Variants in ANKRD11 observed in about 807,000 individuals in gnomAD.
ANKRD11 encodes ankyrin repeat domain-containing protein 11.
Under a neutral mutation model 195.7 loss-of-function variants are expected in ANKRD11, and 17 were observed. That is an observed-to-expected ratio of 0.09 (90% CI 0.06 to 0.13). ANKRD11 has a LOEUF of 0.13. Among genes scored for constraint, ANKRD11 ranks in the 10% least tolerant of loss-of-function variants. ANKRD11 has a pLI of 1.00. For synonymous variants in ANKRD11, 1,953 were observed against 1,528.1 expected (o/e 1.28, Z -6.49); for missense variants, 3,735 against 3,566.1 (o/e 1.05, Z -1.21).
At position 89,479,594 on chromosome 16, in the gene ANKRD11, C is replaced by T. The variant is rs530570084; in HGVS notation, c.-145+10651G>A. On this transcript the variant is annotated intron_variant, in intron 1 of 12. Transcript: ENST00000301030. Reference sequence around the variant, plus strand: ...AGGTTGCAGTGAGCTGAGATCACACCACTGCACTCCAGCCTGGGCAACAGA... The same window carrying T: ...AGGTTGCAGTGAGCTGAGATCACACTACTGCACTCCAGCCTGGGCAACAGA... 3.3e-5 allele frequency among the ~76,000 whole-genome samples: 5 copies of T among 149,468 alleles called. No individual in the cohort carries two copies. In the East Asian group the frequency reaches 1.0e-3, roughly 30 times the overall value.
chr16:89,363,010 C>T (rs2911248), intron 2 of ANKRD11, among the ~76,000 whole-genome samples: 1,703 of 148,368 alleles, frequency 0.011, 52 homozygotes, highest in African/African-American at 0.043. Context: ...TCTCCTTTAT[C>T]CGGTGTACTC....
intron 1 of ANKRD11, among the ~76,000 whole-genome samples, chr16:89,453,691 C>A (rs1421542150): frequency 6.6e-6 from 1 of 152,192 alleles, no homozygotes; most frequent in Admixed American, 6.5e-5. Context: ...ACAGGACACT[C>A]AGGACAATGT....
At chr16:89,364,418 C>T (rs532688605) in intron 2 of ANKRD11, among the ~76,000 whole-genome samples, 3 of 152,328 alleles carry the variant, frequency 2.0e-5, no homozygotes, top group East Asian at 3.9e-4. Flanking sequence ...ATCCTACTCA[C>T]GGTAAGAACA....
At chr16:89,404,394 C>G (rs2041826047) in intron 2 of ANKRD11, among the ~76,000 whole-genome samples, 1 of 152,192 alleles carries the variant, frequency 6.6e-6, no homozygotes, top group Non-Finnish European at 1.5e-5. Flanking sequence ...TCACTGAAAA[C>G]ACTGAAAAGG....
At position 89,291,880 on chromosome 16, in the gene ANKRD11, G is replaced by C. The variant is rs192061548; in HGVS notation, c.227-697C>G. The C allele has an allele frequency of 1.6e-5, 12 of 733,710 alleles. No individual in the cohort carries two copies. The highest frequency in any genetic ancestry group is 1.3e-4 in the East Asian group (2 of 15,282). The allele number at this position is 733,710 out of a possible 1,614,324, so 45.4% of individuals were successfully genotyped here. On this transcript the variant is annotated intron_variant, in intron 4 of 12. Transcript: ENST00000301030. This position sits in a 1 kb window ranked among gnomAD's most constrained non-coding sequence, Gnocchi z 5.3. ...AGCACACCCTGCACTCATCTGACCC[G>C]TTACAGAACACTCGGCTGGCGTCTA...
At chr16:89,348,801 T>A (rs1292716078) in intron 2 of ANKRD11, among the ~76,000 whole-genome samples, 2 of 151,762 alleles carry the variant, frequency 1.3e-5, no homozygotes, top group Non-Finnish European at 2.9e-5. Context: ...TTTTCTCATG[T>A]CCATACTAAA....
At chr16:89,378,666 G>A (rs2040520744) in intron 2 of ANKRD11, among the ~76,000 whole-genome samples, 1 of 152,162 alleles carries the variant, frequency 6.6e-6, no homozygotes, top group South Asian at 2.1e-4. Flanking sequence ...AAAGATTTCT[G>A]CCTCCTGGGT....
intron 2 of ANKRD11, among the ~76,000 whole-genome samples, chr16:89,405,878 C>T (rs932101235): frequency 2.0e-5 from 3 of 152,034 alleles, no homozygotes; most frequent in South Asian, 2.1e-4. Context: ...TGGGAGCCAA[C>T]GCCGGCAGAT....
At chr16:89,406,780 A>C (rs2041924381) in intron 2 of ANKRD11, among the ~76,000 whole-genome samples, 1 of 152,240 alleles carries the variant, frequency 6.6e-6, no homozygotes, top group Non-Finnish European at 1.5e-5. Flanking sequence ...GCACAGGACA[A>C]AGCCTTGTGT....
chr16:89,449,694 G>T (rs2043977562), intron 1 of ANKRD11, among the ~76,000 whole-genome samples: 1 of 152,186 alleles, frequency 6.6e-6, no homozygotes, highest in Non-Finnish European at 1.5e-5. Flanking sequence ...TCGGGAGGCT[G>T]AGGCAGGAGA....
intron 2 of ANKRD11, among the ~76,000 whole-genome samples, chr16:89,375,136 C>T: frequency 6.6e-6 from 1 of 152,158 alleles, no homozygotes; most frequent in East Asian, 1.9e-4. Flanking sequence ...CAGTGCGGGA[C>T]ATACCACACT....
chr16:89,465,399 G>A (rs558212497), intron 1 of ANKRD11, among the ~76,000 whole-genome samples: 5 of 152,178 alleles, frequency 3.3e-5, no homozygotes, highest in African/African-American at 7.2e-5. Context: ...TTAGACTGGC[G>A]TTGGACTTCT....
chr16:89,393,785 G>A (rs959928365), intron 2 of ANKRD11, among the ~76,000 whole-genome samples: 4 of 152,164 alleles, frequency 2.6e-5, no homozygotes, highest in African/African-American at 9.7e-5. Context: ...GCAGAGCTCT[G>A]CATGGCATCT....
intron 1 of ANKRD11, among the ~76,000 whole-genome samples, chr16:89,475,441 T>C (rs1188283598): frequency 6.6e-6 from 1 of 151,894 alleles, no homozygotes; most frequent in Non-Finnish European, 1.5e-5. Context: ...AGAAAGAAAA[T>C]ATAAAGCAAG....
intron 2 of ANKRD11, among the ~76,000 whole-genome samples, chr16:89,368,052 G>A (rs961607705): frequency 5.9e-5 from 9 of 152,126 alleles, no homozygotes; most frequent in Non-Finnish European, 1.0e-4. Flanking sequence ...CAACTGCTGT[G>A]CTCCGTTTAT....
At chr16:89,432,236 T>TACACACACACAC (rs59807718) in intron 1 of ANKRD11, among the ~76,000 whole-genome samples, 3 of 142,854 alleles carry the variant, frequency 2.1e-5, no homozygotes, top group African/African-American at 5.2e-5. Context: ...CGTGATGCAG[T>TACACACACACAC]ACACACACAC....
chr16:89,420,004 T>A (rs989923992), intron 1 of ANKRD11: 6 of 152,196 alleles, frequency 3.9e-5, no homozygotes, highest in African/African-American at 1.4e-4. Context: ...CGAGTCCCCA[T>A]CTCTACAAAA....
chr16:89,318,960 C>T (rs1251829982), intron 2 of ANKRD11, among the ~76,000 whole-genome samples: 1 of 152,174 alleles, frequency 6.6e-6, no homozygotes, highest in African/African-American at 2.4e-5. Context: ...CACCACAAAA[C>T]CGGAATGTCT....
At chr16:89,384,457 G>A (rs2040802960) in intron 2 of ANKRD11, among the ~76,000 whole-genome samples, 4 of 151,656 alleles carry the variant, frequency 2.6e-5, no homozygotes, top group Admixed American at 2.6e-4. Flanking sequence ...GGGATGGGAT[G>A]AAATGGGACA....
Sources: gnomAD v4.1 joint callset for allele counts (sites outside exome capture counted in the v4.1 genomes callset) on GRCh38, gnomAD v4.1.1 for gene constraint, Gnocchi (gnomAD v3.1) non-coding constraint, MANE v1.5 for transcripts, NCBI Gene and HGNC (gene_info 2026-07-23, HGNC 2026-07-21) for gene names.